DECR2: variants seen among roughly 807,000 people sequenced by gnomAD.
DECR2 encodes the protein 2,4-dienoyl-CoA reductase 2.
In DECR2, 34 loss-of-function variants were observed where a neutral mutation model predicts 29.2. That is an observed-to-expected ratio of 1.16 (90% CI 0.89 to 1.55). DECR2 has a LOEUF of 1.55. Among genes scored for constraint, DECR2 ranks in the 40% most tolerant of loss-of-function variants. The pLI is 0.00. For missense variants in DECR2, 485 were observed against 425.3 expected (o/e 1.14, Z -1.23); for synonymous variants, 224 against 182.7 (o/e 1.23, Z -1.82).
In DECR2 at chr16:410,747, G is replaced by T. The variant is rs147456438; in HGVS notation, c.519G>T (p.Ala173=). 1.4e-5 allele frequency: 23 copies of T among 1,606,588 alleles called. No individual in the cohort carries two copies. In the South Asian group the frequency reaches 2.1e-4, roughly 15 times the overall value. The change falls in exon 6 of 9, where the codon GCG becomes GCT. Residue 173 remains alanine (A), a synonymous_variant. Coordinates refer to ENST00000219481, the MANE Select transcript of DECR2 (RefSeq NM_020664.4). The surrounding 1 kb of genome is among the most constrained non-coding windows in gnomAD (Gnocchi z 4.1). Reference sequence around the variant, plus strand: ...CCACCCTGGGGAACCGGGGGCAGGCGCTCCAGGTGCATGCAGGCTCCGCCA... The same window carrying T: ...CCACCCTGGGGAACCGGGGGCAGGCTCTCCAGGTGCATGCAGGCTCCGCCA... The part of the protein sequence containing the change: ...ITATLGNRGQ[A]LQVHAGSAKA...
At position 410,403 on chromosome 16, in the gene DECR2, G is replaced by A. The variant is rs200583305; in HGVS notation, c.462+36G>A. 1.8e-5 allele frequency: 29 copies of A among 1,592,458 alleles called. No individual in the cohort carries two copies. The highest frequency in any genetic ancestry group is 6.8e-5 in the East Asian group (3 of 44,354). ...CGTGCGCTCTGTGAGAAGTTCTTCCGGGTGGGTGCCTCGTGCGCTCTGTGA... is the reference window on the plus strand; with the variant it reads ...CGTGCGCTCTGTGAGAAGTTCTTCCAGGTGGGTGCCTCGTGCGCTCTGTGA... On this transcript the variant is annotated intron_variant, in intron 5 of 8. Coordinates refer to ENST00000219481, the MANE Select transcript of DECR2 (RefSeq NM_020664.4). This position sits in a 1 kb window ranked among gnomAD's most constrained non-coding sequence, Gnocchi z 4.1.
intron 4 of DECR2, among the ~76,000 whole-genome samples, chr16:407,886 C>T (rs1363721777): frequency 1.4e-5 from 2 of 143,014 alleles, no homozygotes; most frequent in African/African-American, 2.6e-5. Context: ...GCCCCATCTC[C>T]GGCCCCCTGT....
chr16:406,884 T>A (rs2054731646), intron 3 of DECR2: 1 of 1,037,822 alleles, frequency 9.6e-7, no homozygotes, highest in Non-Finnish European at 1.2e-6. Context: ...AGTGCCAGGA[T>A]TACAGGTGTG....
chr16:410,684 G>A lies in DECR2; in HGVS notation c.463-7G>A. ...CCGCTCACTGCCCCGGGCCTTGTGT[G>A]TTGCAGGACCACGGAGGGGTGATCG... On this transcript the variant is annotated splice_polypyrimidine_tract_variant and splice_region_variant and intron_variant, in intron 5 of 8. Coordinates refer to ENST00000219481, the MANE Select transcript of DECR2 (RefSeq NM_020664.4). The surrounding 1 kb of genome is among the most constrained non-coding windows in gnomAD (Gnocchi z 4.1). 1.2e-6 allele frequency: 2 copies of A among 1,601,870 alleles called. No individual in the cohort carries two copies. The highest frequency in any genetic ancestry group is 8.5e-7 in the Non-Finnish European group (1 of 1,176,188).
chr16:401,908 C>G lies in DECR2; in HGVS notation c.-56C>G. On this transcript the variant is annotated 5_prime_UTR_variant, in exon 1 of 9. Transcript: ENST00000219481. Reference sequence around the variant, plus strand: ...GCGAGTTCGCAGCTGCGCGCCGGGTCCTGGAGGCCGAGGCCGCTCCCGCCC... The same window carrying G: ...GCGAGTTCGCAGCTGCGCGCCGGGTGCTGGAGGCCGAGGCCGCTCCCGCCC... 1 of 1,436,784 alleles carries G rather than the reference C, an allele frequency of 7.0e-7. No individual in the cohort carries two copies. The highest frequency in any genetic ancestry group is 9.1e-7 in the Non-Finnish European group (1 of 1,094,390). 89.0% of individuals were successfully genotyped at this position (1,436,784 alleles called of 1,614,324 possible). A position where few individuals can be genotyped will look rare whatever the true frequency, so the allele number is the denominator to read the frequency against.
intron 3 of DECR2, chr16:406,981 C>G: frequency 2.0e-6 from 2 of 1,016,928 alleles, no homozygotes; most frequent in Middle Eastern, 9.8e-4. Flanking sequence ...ACATCTTTGA[C>G]TTTTTAAAAA....
Position 410,118 on chromosome 16 carries a change from C to T in DECR2, c.338-125C>T. On this transcript the variant is annotated intron_variant, in intron 4 of 8. Transcript: ENST00000219481. The surrounding 1 kb of genome is among the most constrained non-coding windows in gnomAD (Gnocchi z 4.1). ...TTGGAATTTATCCTAGGGCATGGGT[C>T]TCCTCCCTGTGCCACAGGGCACCTG... 7.3e-7 allele frequency: 1 copy of T among 1,368,790 alleles called. No individual in the cohort carries two copies. The highest frequency in any genetic ancestry group is 9.8e-7 in the Non-Finnish European group (1 of 1,016,656). 84.8% of individuals were successfully genotyped at this position (1,368,790 alleles called of 1,614,324 possible).
Position 410,736 on chromosome 16 carries a change from C to T in DECR2, c.508C>T (p.Arg170Trp), listed in dbSNP as rs747400979. 25 of 1,607,740 alleles carry T rather than the reference C, an allele frequency of 1.6e-5. No homozygotes were observed. The highest frequency in any genetic ancestry group is 2.0e-4 in the Middle Eastern group (1 of 4,918). Residue 170 changes from arginine to tryptophan, a missense_variant, in exon 6 of 9, where the codon CGG becomes TGG. Transcript: ENST00000219481. The surrounding 1 kb of genome is among the most constrained non-coding windows in gnomAD (Gnocchi z 4.1). Reference protein sequence around the residue: ...IVNITATLGNRGQALQVHAGS... With the variant: ...IVNITATLGNWGQALQVHAGS... ...GAACATCACTGCCACCCTGGGGAAC[C>T]GGGGGCAGGCGCTCCAGGTGCATGC...
chr16:410,775 GC>G lies in DECR2; in HGVS notation c.549del (p.Ala184LeufsTer5). ...CCAGGTGCATGCAGGCTCCGCCAAG[GC>G]CGCTGTGGGTATGACCACCCCCCCC... The part of the protein sequence containing the change: ...ALQVHAGSAK[A>X]AVDAMTRHLA... On this transcript the variant is annotated frameshift_variant, in exon 6 of 9. Coordinates refer to ENST00000219481, the MANE Select transcript of DECR2 (RefSeq NM_020664.4). LOFTEE classifies it high-confidence loss of function. The surrounding 1 kb of genome is among the most constrained non-coding windows in gnomAD (Gnocchi z 4.1). 4 of 1,596,634 alleles carry G rather than the reference GC, an allele frequency of 2.5e-6. No homozygotes were observed. The South Asian group carries it at 4.5e-5, about 18-fold the overall frequency.
chr16:411,067 C>A lies in DECR2; in HGVS notation c.652C>A (p.Arg218=). Residue 218 remains arginine, a synonymous_variant, in exon 7 of 9, where the codon CGG becomes AGG. Transcript: ENST00000219481. The stretch of plus-strand genomic sequence containing the variant: ...CCCCATCAGTGGCACAGAGGGGCTC[C>A]GGCGACTGGGTAAGGCTCTCAGGGA... ...PGPISGTEGL[R]RLGGPQASLS... 6.5e-7 allele frequency: 1 copy of A among 1,544,126 alleles called. No individual in the cohort carries two copies. Among genetic ancestry groups the A allele is most frequent in the East Asian group, 2.3e-5 (1 of 42,948 alleles).
At chr16:402,172 T>C in intron 1 of DECR2, 129 bp downstream of exon 1, 1 of 746,018 alleles carries the variant, frequency 1.3e-6, no homozygotes. Flanking sequence ...TTCTTTCTTT[T>C]TTCTTTCTTT....
chr16:407,317 C>T (rs780620736), intron 3 of DECR2, 108 bp from the exon 4 acceptor site: 193 of 1,482,672 alleles, frequency 1.3e-4, no homozygotes, highest in Non-Finnish European at 1.6e-4. Flanking sequence ...CAGCAGCAAA[C>T]CCAGGGTCCC....
At chr16:405,972 G>A (rs371663545) in intron 2 of DECR2, among the ~76,000 whole-genome samples, 1 of 152,194 alleles carries the variant, frequency 6.6e-6, no homozygotes, top group South Asian at 2.1e-4. Context: ...GGGGAGCAGG[G>A]AGCACCCCGC....
At position 402,052 on chromosome 16, in the gene DECR2, G is replaced by T; in HGVS notation, c.80+9G>T. 1 of 1,386,172 alleles carries T rather than the reference G, an allele frequency of 7.2e-7. No individual in the cohort carries two copies. The highest frequency in any genetic ancestry group is 9.4e-7 in the Non-Finnish European group (1 of 1,067,166). The allele number at this position is 1,386,172 out of a possible 1,614,324, so 85.9% of individuals were successfully genotyped here. On this transcript the variant is annotated intron_variant, in intron 1 of 8. Coordinates refer to ENST00000219481, the MANE Select transcript of DECR2 (RefSeq NM_020664.4). Reference sequence around the variant, plus strand: ...TGCCCGGACCTGCTGCGGTGAGCGGGGCCTGGGAAGCGAGCGCAGCCTTGG... The same window carrying T: ...TGCCCGGACCTGCTGCGGTGAGCGGTGCCTGGGAAGCGAGCGCAGCCTTGG...
At chr16:408,198 C>T (rs1288004903) in intron 4 of DECR2, among the ~76,000 whole-genome samples, 22 of 131,760 alleles carry the variant, frequency 1.7e-4, no homozygotes, top group African/African-American at 6.8e-4. Flanking sequence ...TCTCCGGCCC[C>T]CTGTCTCCGG....
chr16:405,421 C>A, intron 2 of DECR2: 1 of 837,106 alleles, frequency 1.2e-6, no homozygotes, highest in Non-Finnish European at 1.7e-6. Flanking sequence ...AGGGACCCTT[C>A]CTCAGTTCCC....
At chr16:405,445 T>G in intron 2 of DECR2, 1 of 1,122,034 alleles carries the variant, frequency 8.9e-7, no homozygotes, top group Non-Finnish European at 1.2e-6. Flanking sequence ...AGGCCCCTGC[T>G]TTTCAGACCA....
rs747400979 is a variant in DECR2, at chr16:410,736, C to G, written c.508C>G (p.Arg170Gly). 1.2e-6 allele frequency: 2 copies of G among 1,607,860 alleles called. No homozygotes were observed. Among genetic ancestry groups the G allele is most frequent in the East Asian group, 4.5e-5 (2 of 44,710 alleles). ...GAACATCACTGCCACCCTGGGGAAC[C>G]GGGGGCAGGCGCTCCAGGTGCATGC... ...IVNITATLGN[R>G]GQALQVHAGS... The change falls in exon 6 of 9, where the codon CGG (arginine) becomes GGG (glycine). Residue 170 changes from arginine (R) to glycine (G), a missense_variant. Arg to Gly is a moderately radical substitution (Grantham distance 125). Coordinates refer to ENST00000219481, the MANE Select transcript of DECR2 (RefSeq NM_020664.4). This position sits in a 1 kb window ranked among gnomAD's most constrained non-coding sequence, Gnocchi z 4.1.
At chr16:409,321 C>A (rs902374496) in intron 4 of DECR2, among the ~76,000 whole-genome samples, 3 of 151,898 alleles carry the variant, frequency 2.0e-5, no homozygotes, top group African/African-American at 4.8e-5. Context: ...CAGGTGCCTG[C>A]CACCACGCCT....
Sources: allele counts gnomAD v4.1 joint callset (sites outside exome capture counted in the v4.1 genomes callset), GRCh38; gene constraint gnomAD v4.1.1; non-coding constraint Gnocchi (gnomAD v3.1); transcripts MANE v1.5; gene names NCBI Gene and HGNC (gene_info 2026-07-23, HGNC 2026-07-21).